The following TMEM51 variants were observed in gnomAD, a reference collection of about 807,000 sequenced individuals.
TMEM51 encodes the protein transmembrane protein 51.
Under a neutral mutation model 13.6 loss-of-function variants are expected in TMEM51, and 8 were observed. The observed-to-expected ratio is 0.59, with a 90% confidence interval of 0.35 to 1.07. The LOEUF is 1.07. TMEM51 is among the 50% of genes least tolerant of loss of function. The pLI is 0.02. For missense variants in TMEM51, 279 were observed against 330.7 expected, an observed-to-expected ratio of 0.84 and a Z score of 1.21; for synonymous variants, 147 against 144.4, an observed-to-expected ratio of 1.02 and a Z score of -0.13.
At chr1:15,215,571 C>G (rs1462095841) in intron 3 of TMEM51, 140 bp downstream of exon 3, 4 of 799,216 alleles carry the variant, frequency 5.0e-6, no homozygotes, top group Non-Finnish European at 7.6e-6. Context: ...ACGCCTCTGT[C>G]AAAACGGTTT....
At chr1:15,184,453 T>C (rs1643711478) in intron 1 of TMEM51, among the ~76,000 whole-genome samples, 2 of 151,938 alleles carry the variant, frequency 1.3e-5, no homozygotes, top group South Asian at 2.1e-4. Context: ...TGAAGGCAAG[T>C]GGGGAGTTTG....
intron 1 of TMEM51, among the ~76,000 whole-genome samples, chr1:15,187,296 C>G (rs916709860): frequency 1.3e-5 from 2 of 152,072 alleles, no homozygotes; most frequent in African/African-American, 4.8e-5. Flanking sequence ...TCTCTTCCTC[C>G]CCTGCGCTTC....
intron 1 of TMEM51, among the ~76,000 whole-genome samples, chr1:15,187,750 A>G (rs966279249): frequency 2.0e-5 from 3 of 152,140 alleles, no homozygotes; most frequent in Admixed American, 6.5e-5. Context: ...TCCAACTTGC[A>G]GCCCCGGGAC....
intron 1 of TMEM51, among the ~76,000 whole-genome samples, chr1:15,182,340 C>G (rs765690517): frequency 6.6e-5 from 10 of 152,202 alleles, no homozygotes; most frequent in Non-Finnish European, 1.5e-5. Context: ...GTCTCCTCAT[C>G]TGTAAAATGG....
At chr1:15,155,347 TAC>T (rs1642554357) in intron 1 of TMEM51, among the ~76,000 whole-genome samples, 1 of 152,194 alleles carries the variant, frequency 6.6e-6, no homozygotes, top group Non-Finnish European at 1.5e-5. Flanking sequence ...GAATTGGCGA[TAC>T]AGTCAGGCCA....
chr1:15,170,009 A>G (rs1273100779), intron 1 of TMEM51, among the ~76,000 whole-genome samples: 5 of 152,206 alleles, frequency 3.3e-5, no homozygotes, highest in Non-Finnish European at 7.3e-5. Flanking sequence ...TTAAGTTCAA[A>G]TGGTCCTAAT....
intron 2 of TMEM51, among the ~76,000 whole-genome samples, chr1:15,213,567 T>C (rs1445682015): frequency 6.6e-6 from 1 of 152,202 alleles, no homozygotes; most frequent in Non-Finnish European, 1.5e-5. Flanking sequence ...GAGAATGTTC[T>C]AAACTAAAGC....
rs1644493239 is a variant in TMEM51 at position 15,220,025 on chromosome 1, T to G, written c.*282T>G. ...ACAGGCATCTTCCCATCCTTTTCAC[T>G]CCGAATCGCTGGCGACACATTCTCC... On this transcript the variant is annotated 3_prime_UTR_variant, in exon 4 of 4. Transcript: ENST00000376008. The G allele has an allele frequency of 2.5e-6, 1 of 406,498 alleles. No individual in the cohort carries two copies. Among genetic ancestry groups the G allele is most frequent in the East Asian group, 3.8e-5 (1 of 26,320 alleles). The allele number at this position is 406,498 out of a possible 1,614,324, so 25.2% of individuals were successfully genotyped here. A position where few individuals can be genotyped will look rare whatever the true frequency, so the allele number is the denominator to read the frequency against.
At chr1:15,156,778 C>A (rs1642606479) in intron 1 of TMEM51, among the ~76,000 whole-genome samples, 1 of 152,216 alleles carries the variant, frequency 6.6e-6, no homozygotes, top group Non-Finnish European at 1.5e-5. Flanking sequence ...CAAGGACACA[C>A]AACAGTTCAG....
chr1:15,164,458 A>G (rs1320010467), intron 1 of TMEM51: 1 of 456,120 alleles, frequency 2.2e-6, no homozygotes, highest in Non-Finnish European at 4.4e-6. Context: ...TTTGGGAAAG[A>G]ATCCTACAAA....
In TMEM51 at chr1:15,215,048, T is replaced by A. The variant is rs751191942; in HGVS notation, c.-40T>A. ...TGACTGCTGCCTTGTATACATTTATTTTCTTTCTTGGAACTGGGCCTCGCC... is the reference window on the plus strand; with the variant it reads ...TGACTGCTGCCTTGTATACATTTATATTCTTTCTTGGAACTGGGCCTCGCC... On this transcript the variant is annotated 5_prime_UTR_variant, in exon 3 of 4. Coordinates refer to ENST00000376008, the MANE Select transcript of TMEM51 (RefSeq NM_001136218.2). 1 of 1,559,190 alleles carries A rather than the reference T, an allele frequency of 6.4e-7. No individual in the cohort carries two copies. The highest frequency in any genetic ancestry group is 8.7e-7 in the Non-Finnish European group (1 of 1,150,694).
At chr1:15,196,419 T>G (rs1355086161) in intron 1 of TMEM51, among the ~76,000 whole-genome samples, 1 of 151,954 alleles carries the variant, frequency 6.6e-6, no homozygotes, top group Admixed American at 6.6e-5. Flanking sequence ...TGCGTGTGCA[T>G]GCACACATGT....
intron 1 of TMEM51, among the ~76,000 whole-genome samples, chr1:15,195,068 G>A (rs1644020254): frequency 1.3e-5 from 2 of 151,670 alleles, no homozygotes; most frequent in African/African-American, 4.8e-5. Flanking sequence ...GGGACTACAG[G>A]CACTCACCAC....
At chr1:15,190,929 A>C (rs1643909262) in intron 1 of TMEM51, among the ~76,000 whole-genome samples, 1 of 152,170 alleles carries the variant, frequency 6.6e-6, no homozygotes, top group Admixed American at 6.5e-5. Context: ...ATGGAATTAT[A>C]GGCACGTGCC....
intron 1 of TMEM51, chr1:15,192,048 A>G (rs897668150): frequency 1.5e-5 from 8 of 527,284 alleles, no homozygotes; most frequent in South Asian, 1.4e-5. Flanking sequence ...TGATGTTGTC[A>G]TGATGAGGAT....
chr1:15,186,394 G>A (rs115079712), intron 1 of TMEM51, among the ~76,000 whole-genome samples: 1,678 of 152,318 alleles, frequency 0.011, 17 homozygotes, highest in Non-Finnish European at 0.018. Flanking sequence ...AATGGCAGCA[G>A]TGAAAACAGA....
At chr1:15,192,399 G>T in intron 1 of TMEM51, 1 of 403,064 alleles carries the variant, frequency 2.5e-6, no homozygotes, top group South Asian at 2.1e-5. Context: ...TGGAATCCTT[G>T]CTCCAGGTCA....
intron 1 of TMEM51, among the ~76,000 whole-genome samples, chr1:15,173,543 A>G (rs547246933): frequency 3.9e-5 from 6 of 152,184 alleles, no homozygotes; most frequent in African/African-American, 9.6e-5. Context: ...TTCTTAACAC[A>G]GATTGTTTTC....
At chr1:15,210,090 A>G (rs1644315508) in intron 1 of TMEM51, among the ~76,000 whole-genome samples, 1 of 151,960 alleles carries the variant, frequency 6.6e-6, no homozygotes, top group South Asian at 2.1e-4. Context: ...CATGGATTCC[A>G]TTTGCCGATT....
Sources: allele counts gnomAD v4.1 joint callset (sites outside exome capture counted in the v4.1 genomes callset), GRCh38; gene constraint gnomAD v4.1.1; transcripts MANE v1.5; gene names NCBI Gene and HGNC (gene_info 2026-07-23, HGNC 2026-07-21).